Variants in OSBPL9 observed in about 807,000 individuals in gnomAD.
OSBPL9 encodes oxysterol binding protein like 9.
OSBPL9 carries 40 observed loss-of-function variants against 106.6 expected under a neutral mutation model. That is an observed-to-expected ratio of 0.38 (90% CI 0.29 to 0.49). The LOEUF (loss-of-function observed/expected upper bound fraction) is 0.49. OSBPL9 is among the 20% of genes least tolerant of loss of function. The probability of loss-of-function intolerance (pLI) is 0.97; values close to 1 mark genes in which losing one functional copy is unlikely to be tolerated. For synonymous variants in OSBPL9, 269 were observed against 295.4 expected, an observed-to-expected ratio of 0.91 and a Z score of 0.92; for missense variants, 609 against 887.2, an observed-to-expected ratio of 0.69 and a Z score of 3.98.
rs80339298 is a variant in OSBPL9 at position 51,778,347 on chromosome 1, G to A, written c.1256+1429G>A. 8.9e-3 allele frequency among the ~76,000 whole-genome samples: 1,352 copies of A among 152,244 alleles called. 18 individuals carry two copies. The highest frequency in any genetic ancestry group is 0.031 in the African/African-American group (1,299 of 41,536). ...ATCAACAGTTACCACTCCATTTAAT[G>A]TCAGACTGGATTAAAAAAGCAGGAT... is the stretch of plus-strand genomic sequence containing the variant. On this transcript the variant is annotated intron_variant, in intron 15 of 23. Transcript: ENST00000428468.
intron 4 of OSBPL9, among the ~76,000 whole-genome samples, chr1:51,736,845 C>A (rs1320882865): frequency 1.3e-5 from 2 of 152,088 alleles, no homozygotes; most frequent in Admixed American, 1.3e-4. Context: ...ATGATTTACT[C>A]CATGACTTCT....
At chr1:51,697,371 C>T (rs964115580) in intron 3 of OSBPL9, among the ~76,000 whole-genome samples, 33 of 148,948 alleles carry the variant, frequency 2.2e-4, no homozygotes, top group African/African-American at 7.9e-4. Context: ...AGCAGTTAAT[C>T]TTGTAAATGT....
Position 51,724,154 on chromosome 1 carries a change from C to T in OSBPL9, c.318+10075C>T, listed in dbSNP as rs555407628. On this transcript the variant is annotated intron_variant, in intron 4 of 23. Transcript: ENST00000428468. Reference sequence around the variant, plus strand: ...AGAGACAGGGTTTTGCCATGTTGCCCAGGCTGGTCTCAAACTCCTGACCTT... The same window carrying T: ...AGAGACAGGGTTTTGCCATGTTGCCTAGGCTGGTCTCAAACTCCTGACCTT... 3.9e-5 allele frequency among the ~76,000 whole-genome samples: 6 copies of T among 152,300 alleles called. No individual in the cohort carries two copies. The South Asian group carries it at 6.2e-4, about 16-fold the overall frequency.
intron 4 of OSBPL9, among the ~76,000 whole-genome samples, chr1:51,732,545 T>C (rs1295223233): frequency 6.6e-6 from 1 of 152,228 alleles, no homozygotes; most frequent in Non-Finnish European, 1.5e-5. Context: ...CACACAGGCA[T>C]TTAAAGCTAC....
chr1:51,645,614 A>G (rs574289461), intron 1 of OSBPL9, among the ~76,000 whole-genome samples: 1 of 152,126 alleles, frequency 6.6e-6, no homozygotes, highest in South Asian at 2.1e-4. Context: ...AGTGTTCTTT[A>G]AGGACAAATG....
chr1:51,714,194 T>A, intron 4 of OSBPL9, 115 bp downstream of exon 4: 1 of 680,002 alleles, frequency 1.5e-6, no homozygotes, highest in Non-Finnish European at 2.4e-6. Flanking sequence ...GAACTTATAA[T>A]TTCTGAGTTG....
Position 51,719,668 on chromosome 1 carries a change from ACT to A in OSBPL9, c.318+5592_318+5593del, listed in dbSNP as rs578030058. The stretch of plus-strand genomic sequence containing the variant: ...TAAATTGGGGCCCATTTTAGAAAAA[ACT>A]CTTGCAGGCTGTGAATGCCAATATA... On this transcript the variant is annotated intron_variant, in intron 4 of 23. Coordinates refer to ENST00000428468, the MANE Select transcript of OSBPL9 (RefSeq NM_024586.6). Among the ~76,000 whole-genome samples, 22 of 151,998 alleles carry A rather than the reference ACT, an allele frequency of 1.4e-4. 1 individual carries two copies. The South Asian group carries it at 3.5e-3, about 24-fold the overall frequency.
At chr1:51,772,467 G>A in intron 13 of OSBPL9, 138 bp from the exon 14 acceptor site, 1 of 765,088 alleles carries the variant, frequency 1.3e-6, no homozygotes, top group Non-Finnish European at 2.3e-6. Context: ...AGTGAGCCAA[G>A]ATCGTGCCAT....
the OSBPL9 span, among the ~76,000 whole-genome samples, chr1:51,526,493 G>C: frequency 6.6e-6 from 1 of 152,114 alleles, no homozygotes. Context: ...GAGGATTTCG[G>C]GGAAAGTTAA....
At chr1:51,569,588 C>T in the OSBPL9 span, 1 of 152,186 alleles carries the variant, frequency 6.6e-6, no homozygotes, top group South Asian at 2.1e-4. Context: ...GCATATCCTC[C>T]TGGTTCAGGG....
At chr1:51,539,678 T>G in the OSBPL9 span, among the ~76,000 whole-genome samples, 1 of 152,316 alleles carries the variant, frequency 6.6e-6, no homozygotes, top group East Asian at 1.9e-4. Flanking sequence ...ATAAGGAAAC[T>G]AGGGCAGAGA....
At chr1:51,756,492 G>T in intron 9 of OSBPL9, 134 bp downstream of exon 9, 1 of 804,270 alleles carries the variant, frequency 1.2e-6, no homozygotes, top group Admixed American at 2.6e-5. Context: ...GACTCTTGCA[G>T]TTTCCTTTAA....
intron 1 of OSBPL9, among the ~76,000 whole-genome samples, chr1:51,634,494 G>A (rs1054726533): frequency 1.3e-5 from 2 of 152,168 alleles, no homozygotes; most frequent in African/African-American, 4.8e-5. Context: ...AATCCAAGTC[G>A]GCTGAAATGA....
intron 11 of OSBPL9, among the ~76,000 whole-genome samples, chr1:51,762,238 C>T (rs1671677481): frequency 6.6e-6 from 1 of 152,072 alleles, no homozygotes. Flanking sequence ...GGCTGGAGTG[C>T]AGTGGTACGA....
chr1:51,627,176 T>TA (rs1396062440), intron 1 of OSBPL9, among the ~76,000 whole-genome samples: 1 of 152,140 alleles, frequency 6.6e-6, no homozygotes, highest in African/African-American at 2.4e-5. Flanking sequence ...CTACTTTTTT[T>TA]ATTTGTAGAG....
At position 51,788,829 on chromosome 1, in the gene OSBPL9, T is replaced by C. The variant is rs1678324146; in HGVS notation, c.*1040T>C. On this transcript the variant is annotated 3_prime_UTR_variant, in exon 24 of 24. Coordinates refer to ENST00000428468, the MANE Select transcript of OSBPL9 (RefSeq NM_024586.6). The stretch of plus-strand genomic sequence containing the variant: ...GCAGATGGCTCATTCTGAAGGGAAA[T>C]ACAGAACTATATCTATCTATCTATC... Among the ~76,000 whole-genome samples, 2 of 149,476 alleles carry C rather than the reference T, an allele frequency of 1.3e-5. No individual in the cohort carries two copies. Among genetic ancestry groups the C allele is most frequent in the South Asian group, 4.2e-4 (2 of 4,774 alleles).
intron 1 of OSBPL9, among the ~76,000 whole-genome samples, chr1:51,580,898 A>T (rs1446074999): frequency 0.042 from 6 of 144 alleles, no homozygotes; most frequent in African/African-American, 0.087. Flanking sequence ...GCCATTATAT[A>T]TATATATATA....
chr1:51,750,939 A>G (rs907852888), intron 8 of OSBPL9, among the ~76,000 whole-genome samples: 2 of 152,282 alleles, frequency 1.3e-5, no homozygotes, highest in South Asian at 4.1e-4. Context: ...CTTCAGTTGC[A>G]TATGTTTGTT....
the OSBPL9 span, among the ~76,000 whole-genome samples, chr1:51,552,035 A>G: frequency 6.6e-6 from 1 of 150,706 alleles, no homozygotes; most frequent in African/African-American, 2.5e-5. Flanking sequence ...GTTCCAATTT[A>G]GCAAATATTT....
Sources: allele counts gnomAD v4.1 joint callset (sites outside exome capture counted in the v4.1 genomes callset), GRCh38; gene constraint gnomAD v4.1.1; transcripts MANE v1.5; gene names NCBI Gene and HGNC (gene_info 2026-07-23, HGNC 2026-07-21).